Variants in RBFOX1 observed in about 807,000 individuals in gnomAD.
RBFOX1 encodes RNA binding fox-1 homolog 1.
RBFOX1 carries 8 observed loss-of-function variants against 57.7 expected under a neutral mutation model. The ratio of observed to expected loss-of-function variants is 0.14; its 90% CI spans 0.08 to 0.25. The LOEUF is 0.25. RBFOX1 is among the 10% of genes least tolerant of loss of function. RBFOX1 has a pLI of 1.00. For synonymous variants in RBFOX1, 326 were observed against 222.4 expected (o/e 1.47, Z -4.15); for missense variants, 611 against 548.5 (o/e 1.11, Z -1.14).
At chr16:6,559,923 A>G (rs1423587787) in intron 2 of RBFOX1, among the ~76,000 whole-genome samples, 3 of 152,014 alleles carry the variant, frequency 2.0e-5, no homozygotes, top group African/African-American at 7.2e-5. Flanking sequence ...CATTAATTGA[A>G]CTCATATTGC....
At chr16:6,806,932 C>G (rs931447832) in intron 3 of RBFOX1, among the ~76,000 whole-genome samples, 22 of 149,312 alleles carry the variant, frequency 1.5e-4, no homozygotes, top group African/African-American at 5.2e-4. Context: ...CTCCTGGGTT[C>G]AAGTGATTCT....
intron 2 of RBFOX1, among the ~76,000 whole-genome samples, chr16:5,515,194 G>A (rs983093430): frequency 5.3e-5 from 8 of 152,196 alleles, no homozygotes; most frequent in Non-Finnish European, 7.3e-5. Context: ...ATGTTATTTC[G>A]AGAGGACAAA....
At chr16:7,330,266 T>C (rs563612447) in intron 4 of RBFOX1, among the ~76,000 whole-genome samples, 1 of 152,226 alleles carries the variant, frequency 6.6e-6, no homozygotes, top group African/African-American at 2.4e-5. Flanking sequence ...TATTAAATCG[T>C]CTTTAGATTA....
chr16:7,297,848 C>G (rs917612825), intron 4 of RBFOX1, among the ~76,000 whole-genome samples: 1 of 152,002 alleles, frequency 6.6e-6, no homozygotes, highest in African/African-American at 2.4e-5. Context: ...CTCTATTACC[C>G]TAGATCTAAA....
rs932338209 is a variant in RBFOX1, at chr16:5,935,755, A to G, written c.351+68420A>G. ...GGATCAAAGACCAAGAGCCTGGTCT[A>G]CTTAGCGGCAGGGCCAGGTTTCAAA... On this transcript the variant is annotated intron_variant, in intron 4 of 19. Transcript: ENST00000641259. Among the ~76,000 whole-genome samples, 9 of 152,240 alleles carry G rather than the reference A, an allele frequency of 5.9e-5. No homozygotes were observed. In the East Asian group the frequency reaches 1.3e-3, roughly 23 times the overall value.
chr16:6,006,974 A>T (rs2094931251), intron 4 of RBFOX1, among the ~76,000 whole-genome samples: 3 of 152,084 alleles, frequency 2.0e-5, no homozygotes, highest in South Asian at 4.1e-4. Flanking sequence ...CACTGGAACC[A>T]AGCTTTCTGG....
At chr16:5,937,461 A>T (rs1249589374) in intron 4 of RBFOX1, among the ~76,000 whole-genome samples, 1 of 152,116 alleles carries the variant, frequency 6.6e-6, no homozygotes, top group Non-Finnish European at 1.5e-5. Flanking sequence ...AGTTAAAGAA[A>T]AGCCCCTGGA....
At chr16:6,733,795 G>T (rs915010861) in intron 3 of RBFOX1, among the ~76,000 whole-genome samples, 1 of 152,130 alleles carries the variant, frequency 6.6e-6, no homozygotes, top group Non-Finnish European at 1.5e-5. Context: ...GACAAAGCTG[G>T]GTTCTACTAC....
At chr16:7,408,883 C>T (rs951210878) in intron 4 of RBFOX1, among the ~76,000 whole-genome samples, 2 of 150,828 alleles carry the variant, frequency 1.3e-5, no homozygotes, top group Non-Finnish European at 2.9e-5. Context: ...CAGATAAGAA[C>T]CATTGTTCTA....
At chr16:5,498,889 C>T (rs1015656733) in intron 2 of RBFOX1, among the ~76,000 whole-genome samples, 13 of 152,208 alleles carry the variant, frequency 8.5e-5, no homozygotes, top group Non-Finnish European at 1.5e-4. Flanking sequence ...CTTTGGCCAT[C>T]GTGGGTCTGC....
At chr16:6,589,373 C>A (rs980883016) in intron 2 of RBFOX1, among the ~76,000 whole-genome samples, 2 of 152,248 alleles carry the variant, frequency 1.3e-5, no homozygotes, top group Admixed American at 6.5e-5. Context: ...CCCTGAAAAC[C>A]CAGGAACTGG....
chr16:5,383,911 G>T (rs914966466), intron 1 of RBFOX1, among the ~76,000 whole-genome samples: 2 of 152,162 alleles, frequency 1.3e-5, no homozygotes, highest in Non-Finnish European at 2.9e-5. Flanking sequence ...TAGGAGCTTG[G>T]CCAGTGTCAT....
chr16:5,522,121 C>G (rs897177449), intron 2 of RBFOX1, among the ~76,000 whole-genome samples: 3 of 152,198 alleles, frequency 2.0e-5, no homozygotes, highest in African/African-American at 7.2e-5. Context: ...AGCTCATGCT[C>G]CTTCATTCAC....
Position 7,104,541 on chromosome 16 carries a change from G to C in RBFOX1, c.27+52443G>C, listed in dbSNP as rs556757510. Among the ~76,000 whole-genome samples, 6 of 152,172 alleles carry C rather than the reference G, an allele frequency of 3.9e-5. No homozygotes were observed. The East Asian group carries it at 9.7e-4, about 24-fold the overall frequency. ...AAAGCAATGGCTTACCTAAGATTAC[G>C]CAAATAATTTATGATAAAGGTGGGC... On this transcript the variant is annotated intron_variant, in intron 4 of 15. Transcript: ENST00000550418.
intron 2 of RBFOX1, among the ~76,000 whole-genome samples, chr16:6,653,510 G>C (rs2098616230): frequency 6.6e-6 from 1 of 152,130 alleles, no homozygotes; most frequent in Non-Finnish European, 1.5e-5. Flanking sequence ...AGTTCCCTGA[G>C]GGTAGGAATT....
At chr16:5,539,120 A>G (rs1055081078) in intron 2 of RBFOX1, among the ~76,000 whole-genome samples, 5 of 152,094 alleles carry the variant, frequency 3.3e-5, no homozygotes, top group African/African-American at 1.2e-4. Flanking sequence ...GAGGGCACGT[A>G]ATTCTTAGAC....
intron 3 of RBFOX1, among the ~76,000 whole-genome samples, chr16:5,755,795 A>C (rs960073064): frequency 6.6e-6 from 1 of 151,894 alleles, no homozygotes; most frequent in African/African-American, 2.4e-5. Context: ...ATGGGGTTTC[A>C]CCATGTTGGT....
chr16:7,101,081 G>C (rs557365689), intron 4 of RBFOX1, among the ~76,000 whole-genome samples: 7 of 152,164 alleles, frequency 4.6e-5, no homozygotes, highest in Non-Finnish European at 1.0e-4. Context: ...TTCATTCAAA[G>C]AATAAAAGCT....
chr16:6,353,373 A>C (rs1015825196), intron 2 of RBFOX1, among the ~76,000 whole-genome samples: 5 of 151,706 alleles, frequency 3.3e-5, no homozygotes, highest in Non-Finnish European at 7.4e-5. Flanking sequence ...GATGGGTATT[A>C]GCTCATTTGC....
Sources: allele counts gnomAD v4.1 joint callset (sites outside exome capture counted in the v4.1 genomes callset), GRCh38; gene constraint gnomAD v4.1.1; transcripts MANE v1.5; gene names NCBI Gene and HGNC (gene_info 2026-07-23, HGNC 2026-07-21).